Variants in ATP10A observed in about 807,000 individuals in gnomAD.
The protein encoded by ATP10A is ATPase phospholipid transporting 10A (putative), also known as phospholipid-transporting ATPase VA.
In ATP10A, 111 loss-of-function variants were observed where a neutral mutation model predicts 147.8. The observed-to-expected ratio is 0.75, with a 90% CI of 0.64 to 0.88. The LOEUF (loss-of-function observed/expected upper bound fraction) is 0.88. ATP10A is among the 40% of genes least tolerant of loss of function. The probability of loss-of-function intolerance (pLI) is 0.00; values close to 1 mark genes in which losing one functional copy is unlikely to be tolerated. For synonymous variants in ATP10A, 875 were observed against 841.6 expected (o/e 1.04, Z -0.69); for missense variants, 1,927 against 1,959.0 (o/e 0.98, Z 0.31).
At chr15:25,701,064 A>G (rs1900634007) in intron 13 of ATP10A, among the ~76,000 whole-genome samples, 1 of 152,150 alleles carries the variant, frequency 6.6e-6, no homozygotes, top group South Asian at 2.1e-4. Flanking sequence ...TGGATCATAG[A>G]ATCCAATGGA....
intron 1 of ATP10A, among the ~76,000 whole-genome samples, chr15:25,788,975 T>A (rs1430703923): frequency 6.6e-6 from 1 of 152,152 alleles, no homozygotes; most frequent in African/African-American, 2.4e-5. Flanking sequence ...TGTTTGTTTT[T>A]GAGACAGGGT....
At chr15:25,792,015 A>C (rs371640677) in intron 1 of ATP10A, among the ~76,000 whole-genome samples, 21 of 152,032 alleles carry the variant, frequency 1.4e-4, no homozygotes, top group African/African-American at 4.6e-4. Context: ...TAAAACAAAC[A>C]TTTAAATGGT....
chr15:25,713,020 T>C (rs1468224216), intron 10 of ATP10A, among the ~76,000 whole-genome samples: 1 of 152,208 alleles, frequency 6.6e-6, no homozygotes, highest in East Asian at 1.9e-4. Context: ...CAGCAGCTGC[T>C]GCCCAGAGGT....
At chr15:25,739,666 G>C (rs1281058164) in intron 2 of ATP10A, among the ~76,000 whole-genome samples, 1 of 152,184 alleles carries the variant, frequency 6.6e-6, no homozygotes, top group East Asian at 1.9e-4. Context: ...CATCTCTGCT[G>C]CAGCACCCCA....
At chr15:25,699,369 C>T (rs1476372979) in intron 13 of ATP10A, among the ~76,000 whole-genome samples, 1 of 152,176 alleles carries the variant, frequency 6.6e-6, no homozygotes, top group Non-Finnish European at 1.5e-5. Flanking sequence ...CAACAAATGG[C>T]ACTGGAGGAA....
intron 5 of ATP10A, 127 bp downstream of exon 5, chr15:25,725,824 G>T: frequency 8.6e-7 from 1 of 1,156,592 alleles, no homozygotes; most frequent in South Asian, 1.9e-5. Flanking sequence ...TCACCATGTT[G>T]GCCAGCTGGT....
intron 1 of ATP10A, among the ~76,000 whole-genome samples, chr15:25,858,537 G>A (rs1893617917): frequency 6.6e-6 from 1 of 152,180 alleles, no homozygotes; most frequent in Admixed American, 6.5e-5. Context: ...CTTCTCATCT[G>A]CTCAGCTCTT....
chr15:25,803,240 C>T (rs536967515), intron 1 of ATP10A, among the ~76,000 whole-genome samples: 5 of 152,324 alleles, frequency 3.3e-5, no homozygotes, highest in South Asian at 2.1e-4. Context: ...TCCGCCACAC[C>T]GTCCCCTCCA....
chr15:25,745,081 T>G (rs1887775285), intron 2 of ATP10A, among the ~76,000 whole-genome samples: 1 of 152,084 alleles, frequency 6.6e-6, no homozygotes, highest in African/African-American at 2.4e-5. Flanking sequence ...ATCCCAGCAC[T>G]TTGGGAGGCT....
At chr15:25,776,628 A>T (rs1889619481) in intron 2 of ATP10A, among the ~76,000 whole-genome samples, 1 of 151,950 alleles carries the variant, frequency 6.6e-6, no homozygotes, top group Non-Finnish European at 1.5e-5. Context: ...ACGTCTCAAG[A>T]TCTCTGTTTC....
At chr15:25,681,106 G>A (rs372567179) in intron 17 of ATP10A, 32 bp from the exon 18 acceptor site, 5 of 1,593,414 alleles carry the variant, frequency 3.1e-6, no homozygotes, top group South Asian at 2.2e-5. Context: ...TGATGTTACA[G>A]TGAAGCATTG....
chr15:25,799,666 G>A (rs930122295), intron 1 of ATP10A, among the ~76,000 whole-genome samples: 5 of 152,102 alleles, frequency 3.3e-5, no homozygotes, highest in South Asian at 2.1e-4. Context: ...CCAGGAGGTC[G>A]CGGCTGCAGT....
Position 25,713,799 on chromosome 15 carries a change from A to C in ATP10A, c.2219T>G (p.Leu740Arg). 1.2e-6 allele frequency: 2 copies of C among 1,614,096 alleles called. No individual in the cohort carries two copies. Among genetic ancestry groups the C allele is most frequent in the Non-Finnish European group, 1.7e-6 (2 of 1,180,014 alleles). The change falls in exon 10 of 21, where the codon CTG becomes CGG. Residue 740 changes from leucine (L) to arginine (R), a missense_variant. Transcript: ENST00000555815. The part of the protein sequence containing the change: ...GRLTFELLHT[L>R]GFDSVRKRMS... ...CCTCTTGCGGACGGAATCGAAACCC[A>C]GTGTGTGCAGGAGCTCGAAGGTGAG... is the stretch of plus-strand genomic sequence containing the variant.
At chr15:25,807,619 A>G (rs1182516664) in intron 1 of ATP10A, among the ~76,000 whole-genome samples, 2 of 152,140 alleles carry the variant, frequency 1.3e-5, no homozygotes, top group Non-Finnish European at 2.9e-5. Flanking sequence ...CCTGGCCAAC[A>G]TGGTGAAACC....
chr15:25,692,016 G>A (rs928891086), intron 14 of ATP10A, among the ~76,000 whole-genome samples: 4 of 152,110 alleles, frequency 2.6e-5, no homozygotes, highest in African/African-American at 9.7e-5. Flanking sequence ...GGCTGGAGCT[G>A]AGCCACCTGG....
chr15:25,801,022 C>T (rs1253420636), intron 1 of ATP10A, among the ~76,000 whole-genome samples: 1 of 152,052 alleles, frequency 6.6e-6, no homozygotes, highest in African/African-American at 2.4e-5. Context: ...AATATGTTTT[C>T]CTTTTACAAA....
intron 2 of ATP10A, among the ~76,000 whole-genome samples, chr15:25,742,502 C>A (rs1049697893): frequency 1.3e-5 from 2 of 152,216 alleles, no homozygotes; most frequent in African/African-American, 4.8e-5. Context: ...CATCTTTTGT[C>A]CCCTTGCCTC....
At chr15:25,804,438 G>A (rs150002236) in intron 1 of ATP10A, among the ~76,000 whole-genome samples, 1 of 132,658 alleles carries the variant, frequency 7.5e-6, no homozygotes, top group Non-Finnish European at 1.6e-5. Context: ...TATGTGTGGT[G>A]TGTGTGTCTG....
At chr15:25,675,802 C>T (rs1027390735), downstream of ATP10A, among the ~76,000 whole-genome samples, 5 of 152,112 alleles carry the variant, frequency 3.3e-5, no homozygotes, top group Admixed American at 6.6e-5. Flanking sequence ...AAAAATTAGC[C>T]GGGCATGGTG....
Sources: gnomAD v4.1 joint callset for allele counts (sites outside exome capture counted in the v4.1 genomes callset) on GRCh38, gnomAD v4.1.1 for gene constraint, MANE v1.5 for transcripts, NCBI Gene and HGNC (gene_info 2026-07-23, HGNC 2026-07-21) for gene names.